PLCB4: variants seen among roughly 807,000 people sequenced by gnomAD.
PLCB4 encodes the protein phospholipase C beta 4.
PLCB4 carries 77 observed loss-of-function variants against 178.8 expected under a neutral mutation model. That is an observed-to-expected ratio of 0.43 (90% CI 0.36 to 0.52). The LOEUF (loss-of-function observed/expected upper bound fraction) is 0.52. PLCB4 is among the 20% of genes least tolerant of loss of function. PLCB4 has a pLI of 0.00. For missense variants in PLCB4, 1,024 were observed against 1,453.4 expected (o/e 0.70, Z 4.80); for synonymous variants, 496 against 490.8 (o/e 1.01, Z -0.14).
intron 28 of PLCB4, among the ~76,000 whole-genome samples, 179 bp downstream of exon 28, chr20:9,424,131 A>C (rs2040834059): frequency 6.6e-6 from 1 of 152,206 alleles, no homozygotes; most frequent in Non-Finnish European, 1.5e-5. Flanking sequence ...TTTCATAGTA[A>C]GAAATGAAAG....
chr20:9,187,084 C>CGAA (rs2093339012), intron 2 of PLCB4, among the ~76,000 whole-genome samples: 2 of 152,086 alleles, frequency 1.3e-5, no homozygotes, highest in African/African-American at 4.8e-5. Context: ...AGGCGATTCT[C>CGAA]CTGCCTCAGC....
At chr20:9,312,390 A>G (rs3966750) in intron 4 of PLCB4, among the ~76,000 whole-genome samples, 5,680 of 141,602 alleles carry the variant, frequency 0.04, 131 homozygotes, top group Middle Eastern at 0.074. Context: ...ACACACACAC[A>G]CACACACGCA....
intron 3 of PLCB4, among the ~76,000 whole-genome samples, chr20:9,230,624 C>G (rs1318038940): frequency 6.6e-6 from 1 of 152,058 alleles, no homozygotes; most frequent in Non-Finnish European, 1.5e-5. Flanking sequence ...TTTGGGCTGG[C>G]CTTGATTGGG....
intron 25 of PLCB4, among the ~76,000 whole-genome samples, chr20:9,414,745 C>CA (rs2040124055): frequency 6.6e-6 from 1 of 152,172 alleles, no homozygotes; most frequent in Non-Finnish European, 1.5e-5. Flanking sequence ...GTGCTTTTAA[C>CA]AGTCTCGTTT....
At chr20:9,153,728 G>A (rs985857237) in intron 2 of PLCB4, among the ~76,000 whole-genome samples, 1 of 152,192 alleles carries the variant, frequency 6.6e-6, no homozygotes, top group Non-Finnish European at 1.5e-5. Context: ...CATTCAGTGA[G>A]TGATACGATA....
chr20:9,272,925 C>A (rs1364712566), intron 3 of PLCB4, among the ~76,000 whole-genome samples: 1 of 150,628 alleles, frequency 6.6e-6, no homozygotes, highest in Non-Finnish European at 1.5e-5. Flanking sequence ...ACCTTGGTAC[C>A]TAGCAGTGTT....
At chr20:9,229,282 C>G (rs908266634) in intron 3 of PLCB4, among the ~76,000 whole-genome samples, 4 of 152,106 alleles carry the variant, frequency 2.6e-5, no homozygotes, top group African/African-American at 9.7e-5. Flanking sequence ...TCTCATTAAA[C>G]GGGTACAGAA....
intron 4 of PLCB4, among the ~76,000 whole-genome samples, chr20:9,326,653 A>G (rs2030634450): frequency 6.6e-6 from 1 of 152,092 alleles, no homozygotes; most frequent in Non-Finnish European, 1.5e-5. Flanking sequence ...ACTATACCCC[A>G]ACATGCACTT....
At chr20:9,440,308 A>G (rs1454937495) in intron 30 of PLCB4, among the ~76,000 whole-genome samples, 1 of 152,246 alleles carries the variant, frequency 6.6e-6, no homozygotes, top group Non-Finnish European at 1.5e-5. Flanking sequence ...AAAATCATCT[A>G]ACACAAAGCC....
intron 1 of PLCB4, among the ~76,000 whole-genome samples, chr20:9,092,291 A>G (rs151317374): frequency 2.6e-5 from 4 of 152,016 alleles, no homozygotes; most frequent in African/African-American, 9.7e-5. Flanking sequence ...TCTCTTTTGC[A>G]TTGTTAATAT....
At chr20:9,242,834 G>A (rs1202552700) in intron 3 of PLCB4, among the ~76,000 whole-genome samples, 1 of 152,178 alleles carries the variant, frequency 6.6e-6, no homozygotes, top group African/African-American at 2.4e-5. Flanking sequence ...AACTGTAGGA[G>A]TGGGATCTAG....
chr20:9,280,665 C>T (rs2094486984), intron 3 of PLCB4, among the ~76,000 whole-genome samples: 2 of 151,954 alleles, frequency 1.3e-5, no homozygotes, highest in African/African-American at 4.8e-5. Context: ...GCCTGCTTTG[C>T]ATCAGCTCTT....
At chr20:9,293,033 C>T (rs1253342868) in intron 3 of PLCB4, among the ~76,000 whole-genome samples, 1 of 151,862 alleles carries the variant, frequency 6.6e-6, no homozygotes, top group South Asian at 2.1e-4. Flanking sequence ...GAGGCCAGAT[C>T]GTGCCACTGC....
intron 2 of PLCB4, among the ~76,000 whole-genome samples, chr20:9,194,618 G>A (rs533239984): frequency 2.0e-5 from 3 of 150,862 alleles, no homozygotes; most frequent in Admixed American, 6.6e-5. Flanking sequence ...GTGTGAACCC[G>A]GGAGGCGGAG....
chr20:9,424,675 C>T (rs1195292585), intron 28 of PLCB4, among the ~76,000 whole-genome samples: 1 of 152,180 alleles, frequency 6.6e-6, no homozygotes, highest in Admixed American at 6.5e-5. Context: ...TCTCAAACCC[C>T]TCATTTCCTC....
intron 12 of PLCB4, among the ~76,000 whole-genome samples, chr20:9,375,647 T>C (rs1054178215): frequency 6.6e-6 from 1 of 152,140 alleles, no homozygotes; most frequent in African/African-American, 2.4e-5. Flanking sequence ...TTTCAAGTTT[T>C]TCCACTCCAC....
intron 2 of PLCB4, among the ~76,000 whole-genome samples, chr20:9,128,472 A>T (rs1427830539): frequency 6.6e-6 from 1 of 152,150 alleles, no homozygotes; most frequent in African/African-American, 2.4e-5. Context: ...GCTGGAGTGC[A>T]GTGGCGCAGT....
chr20:9,315,956 A>T (rs750175890), intron 4 of PLCB4, among the ~76,000 whole-genome samples: 16 of 152,244 alleles, frequency 1.1e-4, no homozygotes, highest in Admixed American at 7.8e-4. Context: ...AAATTAAAAA[A>T]AAAGAGCCAG....
intron 1 of PLCB4, among the ~76,000 whole-genome samples, chr20:9,083,309 C>T (rs1416384370): frequency 2.6e-5 from 4 of 152,030 alleles, no homozygotes; most frequent in Admixed American, 6.6e-5. Context: ...TATCCTCACA[C>T]AGGATACGAG....
Sources: gnomAD v4.1 joint callset for allele counts (sites outside exome capture counted in the v4.1 genomes callset) on GRCh38, gnomAD v4.1.1 for gene constraint, MANE v1.5 for transcripts, NCBI Gene and HGNC (gene_info 2026-07-23, HGNC 2026-07-21) for gene names.